Variants in DMBT1 observed in about 807,000 individuals in gnomAD.
DMBT1 encodes the protein deleted in malignant brain tumors 1, also known as scavenger receptor cysteine-rich domain-containing protein DMBT1.
DMBT1 carries 198 observed loss-of-function variants against 252.9 expected under a neutral mutation model. The observed-to-expected ratio is 0.78, with a 90% confidence interval of 0.70 to 0.88. The LOEUF is 0.88. Among genes scored for constraint, DMBT1 ranks in the 40% least tolerant of loss-of-function variants. The probability of loss-of-function intolerance (pLI) is 0.00; values close to 1 mark genes in which losing one functional copy is unlikely to be tolerated. For synonymous variants in DMBT1, 990 were observed against 942.7 expected (o/e 1.05, Z -0.92); for missense variants, 2,432 against 2,404.7 (o/e 1.01, Z -0.24).
intron 26 of DMBT1, among the ~76,000 whole-genome samples, chr10:122,599,383 T>G (rs2097917320): frequency 1.3e-5 from 2 of 152,066 alleles, no homozygotes; most frequent in Non-Finnish European, 2.9e-5. Context: ...GCTCCATTTC[T>G]CCCCTGCTGA....
At position 122,576,695 on chromosome 10, in the gene DMBT1, G is replaced by C; in HGVS notation, c.580G>C (p.Gly194Arg). ...CTGGCTCTCCCATAACTGTGGCCATGGTGAAGATGCTGGTGTTATCTGCTC... is the reference window on the plus strand; with the variant it reads ...CTGGCTCTCCCATAACTGTGGCCATCGTGAAGATGCTGGTGTTATCTGCTC... Reference protein sequence around the residue: ...NGWLSHNCGHGEDAGVICSAA... With the variant: ...NGWLSHNCGHREDAGVICSAA... Residue 194 changes from glycine (G) to arginine (R), a missense_variant, in exon 7 of 56, where the codon GGT becomes CGT. Gly to Arg is a moderately radical substitution (Grantham distance 125, BLOSUM62 -2). Around this residue, in one of 3 missense-constraint regions of DMBT1, gnomAD observed 1,264 missense variants for 1,082.2 expected, o/e 1.17. Transcript: ENST00000338354. 1.4e-5 allele frequency: 22 copies of C among 1,613,764 alleles called. No homozygotes were observed. Among genetic ancestry groups the C allele is most frequent in the Non-Finnish European group, 1.9e-5 (22 of 1,179,720 alleles).
At chr10:122,629,207 CAT>C (rs1347969304) in intron 46 of DMBT1, among the ~76,000 whole-genome samples, 1 of 152,098 alleles carries the variant, frequency 6.6e-6, no homozygotes, top group Non-Finnish European at 1.5e-5. Flanking sequence ...TTCATATATA[CAT>C]ATCTTATTTA....
At chr10:122,625,879 T>C (rs2098115272) in intron 45 of DMBT1, 54 bp from the exon 46 acceptor site, 2 of 1,437,428 alleles carry the variant, frequency 1.4e-6, no homozygotes, top group African/African-American at 1.4e-5. Flanking sequence ...CAAATTACTA[T>C]GGAATGGAAA....
chr10:122,574,638 G>T (rs576621932), intron 6 of DMBT1, among the ~76,000 whole-genome samples: 5 of 152,154 alleles, frequency 3.3e-5, no homozygotes, highest in South Asian at 4.1e-4. Flanking sequence ...ATGTCCCTTC[G>T]CAAGATTCCC....
rs766071524 is a variant in DMBT1, at chr10:122,588,936, T to C, written c.1784-8T>C. 97 of 1,587,506 alleles carry C rather than the reference T, an allele frequency of 6.1e-5. 11 individuals carry two copies. The highest frequency in any genetic ancestry group is 8.1e-5 in the Non-Finnish European group (94 of 1,165,648). On this transcript the variant is annotated splice_region_variant and splice_polypyrimidine_tract_variant and intron_variant, in intron 16 of 55. Transcript: ENST00000338354. ...GGATTGATGAAGGGTTCTTGTGTTC[T>C]CCTATAGGACCTGAATCCAGTTTGG...
Position 122,580,539 on chromosome 10 carries a change from CA to C in DMBT1, c.1004-325del, listed in dbSNP as rs200507725. 9.7e-3 allele frequency among the ~76,000 whole-genome samples: 1,473 copies of C among 152,306 alleles called. 8 individuals carry two copies. Among genetic ancestry groups the C allele is most frequent in the Middle Eastern group, 0.034 (10 of 294 alleles). On this transcript the variant is annotated intron_variant, in intron 10 of 55. Coordinates refer to ENST00000338354, the MANE Select transcript of DMBT1 (RefSeq NM_001377530.1). Reference sequence around the variant, plus strand: ...CTGTGATTGGGGCTTGAAGATCGCACAAGGGATTTTGGCTGGAGTGGCTTCC... The same window carrying C: ...CTGTGATTGGGGCTTGAAGATCGCACAGGGATTTTGGCTGGAGTGGCTTCC...
At chr10:122,639,059 C>G (rs1401032436) in intron 54 of DMBT1, among the ~76,000 whole-genome samples, 2 of 152,226 alleles carry the variant, frequency 1.3e-5, no homozygotes, top group Non-Finnish European at 2.9e-5. Context: ...CCATCCATGG[C>G]TGGAGCTTCC....
At position 122,592,487 on chromosome 10, in the gene DMBT1, G is replaced by C; in HGVS notation, c.2392G>C (p.Asp798His). Residue 798 changes from aspartate to histidine, a missense_variant, in exon 20 of 56, where the codon GAT becomes CAT. Asp to His is a moderately conservative substitution (Grantham distance 81). Transcript: ENST00000338354. ...CCAGGGCTCAGGACCCATTGTTCTG[G>C]ATGATGTGCGCTGCTCAGGACACGA... ...FGQGSGPIVL[D>H]DVRCSGHESY... 6.3e-7 allele frequency: 1 copy of C among 1,588,030 alleles called. No individual in the cohort carries two copies. The highest frequency in any genetic ancestry group is 8.6e-7 in the Non-Finnish European group (1 of 1,165,548).
In DMBT1 at chr10:122,625,959, A is replaced by G. The variant is rs2098116026; in HGVS notation, c.5662A>G (p.Thr1888Ala). 3 of 1,611,662 alleles carry G rather than the reference A, an allele frequency of 1.9e-6. No homozygotes were observed. The highest frequency in any genetic ancestry group is 2.5e-6 in the Non-Finnish European group (3 of 1,177,874). The change falls in exon 46 of 56, where the codon ACT becomes GCT. Residue 1888 changes from threonine (T) to alanine (A), a missense_variant. Thr to Ala is a moderately conservative substitution (Grantham distance 58). Coordinates refer to ENST00000338354, the MANE Select transcript of DMBT1 (RefSeq NM_001377530.1). ...TDWWHPTTTT[T>A]ARPSSNCGGF... is the part of the protein sequence containing the mutation. ...TTGGTGGCATCCAACAACTACAACC[A>G]CTGCAAGTAGGTATCACATTTTCTA...
chr10:122,576,274 G>T, intron 6 of DMBT1, 125 bp from the exon 7 acceptor site: 1 of 1,394,178 alleles, frequency 7.2e-7, no homozygotes, highest in Non-Finnish European at 9.7e-7. Context: ...GCCTGTTAAA[G>T]CCCAGCCCAA....
rs1168902407 is a variant in DMBT1 at position 122,593,614 on chromosome 10, C to T, written c.2530+16C>T. 1 of 1,585,694 alleles carries T rather than the reference C, an allele frequency of 6.3e-7. No individual in the cohort carries two copies. Among genetic ancestry groups the T allele is most frequent in the Non-Finnish European group, 8.6e-7 (1 of 1,163,614 alleles). On this transcript the variant is annotated intron_variant, in intron 21 of 55. Transcript: ENST00000338354. ...CCCAGTCCAGGTAGGTCCCCAGTGT[C>T]CTTCCTCAAAATGTCCCTTCTCTTT...
Position 122,591,561 on chromosome 10 carries a change from C to A in DMBT1, c.2176+44C>A, listed in dbSNP as rs777879415. 7 of 1,536,992 alleles carry A rather than the reference C, an allele frequency of 4.6e-6. 1 individual carries two copies. Among genetic ancestry groups the A allele is most frequent in the Non-Finnish European group, 6.2e-6 (7 of 1,123,414 alleles). On this transcript the variant is annotated intron_variant, in intron 19 of 55. Coordinates refer to ENST00000338354, the MANE Select transcript of DMBT1 (RefSeq NM_001377530.1). ...CCTCCCTAGGGCTCACTCTCTACCT[C>A]TGGACAAATGTTTTCTCTGAAAATG...
intron 55 of DMBT1, among the ~76,000 whole-genome samples, chr10:122,641,694 G>A (rs1321399419): frequency 6.6e-6 from 1 of 152,178 alleles, no homozygotes; most frequent in Non-Finnish European, 1.5e-5. Flanking sequence ...GGTGACCTTA[G>A]TTCTTCCTTG....
At position 122,576,389 on chromosome 10, in the gene DMBT1, C is replaced by T. The variant is rs2097712597; in HGVS notation, c.284-10C>T. 1.2e-6 allele frequency: 2 copies of T among 1,612,768 alleles called. No homozygotes were observed. Among genetic ancestry groups the T allele is most frequent in the Non-Finnish European group, 1.7e-6 (2 of 1,179,218 alleles). On this transcript the variant is annotated splice_polypyrimidine_tract_variant and intron_variant, in intron 6 of 55. Coordinates refer to ENST00000338354, the MANE Select transcript of DMBT1 (RefSeq NM_001377530.1). Reference sequence around the variant, plus strand: ...GGAATGTGCAAGAGAAATTCTGTGCCTTCCTCTAGGATCTGATTCTGGTTT... The same window carrying T: ...GGAATGTGCAAGAGAAATTCTGTGCTTTCCTCTAGGATCTGATTCTGGTTT...
intron 16 of DMBT1, among the ~76,000 whole-genome samples, chr10:122,588,717 G>T (rs567881835): frequency 6.7e-6 from 1 of 148,826 alleles, no homozygotes; most frequent in Non-Finnish European, 1.5e-5. Context: ...CCTCCACTGG[G>T]GTCACAGGTG....
In DMBT1 at chr10:122,636,819, GTTACT is replaced by G. The variant is rs573238540; in HGVS notation, c.6758-300_6758-296del. Among the ~76,000 whole-genome samples the G allele has an allele frequency of 8.4e-4, 128 of 152,354 alleles. 1 individual carries two copies. The highest frequency in any genetic ancestry group is 2.9e-3 in the African/African-American group (122 of 41,582). On this transcript the variant is annotated intron_variant, in intron 53 of 55. Transcript: ENST00000338354. ...GACATTCCCACAATTTGATCATACA[GTTACT>G]TTACTTTATAGATAAATGGTAACTT... is the stretch of plus-strand genomic sequence containing the variant.
chr10:122,584,173 C>T, intron 13 of DMBT1, 149 bp from the exon 14 acceptor site: 2 of 184,094 alleles, frequency 1.1e-5, no homozygotes, highest in Middle Eastern at 1.2e-3. Flanking sequence ...CAAGGAGCAT[C>T]TCTGTGGGGA....
rs17096157 is a variant in DMBT1 at position 122,634,307 on chromosome 10, C to G, written c.6548+966C>G. On this transcript the variant is annotated intron_variant, in intron 52 of 55. Coordinates refer to ENST00000338354, the MANE Select transcript of DMBT1 (RefSeq NM_001377530.1). ...GCATCCAATCATAAGTAGAAATCAT[C>G]GTTTTAAGCAGAGAGGACATTACTA... Among the ~76,000 whole-genome samples the G allele has an allele frequency of 5.7e-3, 872 of 151,888 alleles. 9 individuals carry two copies. Among genetic ancestry groups the G allele is most frequent in the African/African-American group, 0.019 (806 of 41,362 alleles).
chr10:122,584,417 T>C, intron 14 of DMBT1, 66 bp downstream of exon 14: 2 of 343,296 alleles, frequency 5.8e-6, no homozygotes, highest in Non-Finnish European at 1.1e-5. Flanking sequence ...CTTTCTGCAC[T>C]CCACAGAGCC....
Sources: allele counts gnomAD v4.1 joint callset (sites outside exome capture counted in the v4.1 genomes callset), GRCh38; gene constraint gnomAD v4.1.1; regional missense constraint gnomAD v4.1.1; transcripts MANE v1.5; gene names NCBI Gene and HGNC (gene_info 2026-07-23, HGNC 2026-07-21).